The following LRRK2 variants were observed in gnomAD, a reference collection of about 807,000 sequenced individuals.
LRRK2 encodes leucine-rich repeat serine/threonine-protein kinase 2.
In LRRK2, 203 loss-of-function variants were observed where a neutral mutation model predicts 302.6. That is an observed-to-expected ratio of 0.67 (90% CI 0.60 to 0.75). The LOEUF is 0.75. Ranked by LOEUF, LRRK2 falls within the 30% of genes least tolerant of loss-of-function variation. The probability of loss-of-function intolerance (pLI) is 0.00; values close to 1 mark genes in which losing one functional copy is unlikely to be tolerated. For missense variants in LRRK2, 2,830 were observed against 2,951.0 expected, an observed-to-expected ratio of 0.96 and a Z score of 0.95; for synonymous variants, 1,066 against 1,031.9, an observed-to-expected ratio of 1.03 and a Z score of -0.63.
intron 48 of LRRK2, among the ~76,000 whole-genome samples, chr12:40,363,858 CT>C (rs1453524025): frequency 6.6e-6 from 1 of 151,964 alleles, no homozygotes; most frequent in East Asian, 1.9e-4. Context: ...TGACATAGTT[CT>C]GTCACAGTGT....
chr12:40,265,106 A>G (rs1256461746), intron 14 of LRRK2, among the ~76,000 whole-genome samples: 4 of 152,218 alleles, frequency 2.6e-5, no homozygotes, highest in African/African-American at 7.2e-5. Flanking sequence ...CTCACTGCCT[A>G]TAATATGTTT....
intron 45 of LRRK2, 133 bp downstream of exon 45, chr12:40,354,625 G>A (rs1049195047): frequency 1.2e-6 from 1 of 816,432 alleles, no homozygotes; most frequent in African/African-American, 1.7e-5. Context: ...ATATTAAAGG[G>A]AATTGTGGAA....
At chr12:40,352,833 C>G (rs912732679) in intron 44 of LRRK2, among the ~76,000 whole-genome samples, 3 of 152,030 alleles carry the variant, frequency 2.0e-5, no homozygotes. Context: ...TAGTACAGAA[C>G]AAAATGGAGT....
rs770565794 is a variant in LRRK2, at chr12:40,235,613, T to C, written c.348-13T>C. On this transcript the variant is annotated splice_polypyrimidine_tract_variant and intron_variant, in intron 3 of 50. Transcript: ENST00000298910. ...TATTTCATTCTTATCTTGATTTCTGTTTTTAACTCCAGATTGATTCTTAAA... is the reference window on the plus strand; with the variant it reads ...TATTTCATTCTTATCTTGATTTCTGCTTTTAACTCCAGATTGATTCTTAAA... 1.3e-6 allele frequency: 2 copies of C among 1,559,468 alleles called. No homozygotes were observed. The highest frequency in any genetic ancestry group is 3.3e-5 in the Admixed American group (2 of 59,968).
chr12:40,299,255 T>A lies in LRRK2; in HGVS notation c.3494T>A (p.Leu1165His). The A allele has an allele frequency of 6.2e-7, 1 of 1,613,242 alleles. No individual in the cohort carries two copies. The highest frequency in any genetic ancestry group is 8.5e-7 in the Non-Finnish European group (1 of 1,179,512). The change falls in exon 25 of 51, where the codon CTT (leucine) becomes CAT (histidine). Residue 1165 changes from leucine to histidine, a missense_variant and splice_region_variant. Leu to His is a moderately conservative substitution (Grantham distance 99, BLOSUM62 -3). This residue lies in a region of LRRK2 where 2,121 missense variants were observed against 2,148.0 expected (regional missense o/e 0.99). Coordinates refer to ENST00000298910, the MANE Select transcript of LRRK2 (RefSeq NM_198578.4). Reference protein sequence around the residue: ...VESFSARMNFLAAMPFLPPSM... With the variant: ...VESFSARMNFHAAMPFLPPSM... ...AGTTTCAGTGCCAGAATGAATTTTC[T>A]TGGTAAGTGTTCTGTGTGGGTCTCC...
chr12:40,289,525 T>C (rs1023358604), intron 20 of LRRK2, among the ~76,000 whole-genome samples: 2 of 149,058 alleles, frequency 1.3e-5, no homozygotes, highest in Non-Finnish European at 1.5e-5. Context: ...ATGTAATCTA[T>C]AATATATAAT....
At chr12:40,353,732 G>A (rs3930031) in intron 44 of LRRK2, among the ~76,000 whole-genome samples, 1 of 152,076 alleles carries the variant, frequency 6.6e-6, no homozygotes, top group African/African-American at 2.4e-5. Context: ...CTGCAATCCC[G>A]GCACCTCGGG....
At chr12:40,329,105 T>A (rs901673924) in intron 39 of LRRK2, among the ~76,000 whole-genome samples, 1 of 152,210 alleles carries the variant, frequency 6.6e-6, no homozygotes, top group Non-Finnish European at 1.5e-5. Context: ...ACTGATAAGC[T>A]TGCACCTCTC....
chr12:40,265,061 T>TA (rs2136548460), intron 14 of LRRK2, among the ~76,000 whole-genome samples: 1 of 152,308 alleles, frequency 6.6e-6, no homozygotes, highest in Non-Finnish European at 1.5e-5. Context: ...AGATCTCCCT[T>TA]AAAAATTCAT....
intron 43 of LRRK2, 23 bp from the exon 44 acceptor site, chr12:40,351,511 CTGTTT>C: frequency 1.2e-6 from 2 of 1,605,438 alleles, no homozygotes; most frequent in Non-Finnish European, 1.7e-6. Flanking sequence ...TCGATAAGTA[CTGTTT>C]TGTTATCTTT....
At chr12:40,302,486 A>G (rs1447087773) in intron 25 of LRRK2, among the ~76,000 whole-genome samples, 1 of 152,180 alleles carries the variant, frequency 6.6e-6, no homozygotes, top group Non-Finnish European at 1.5e-5. Context: ...AACATCACAC[A>G]TAATTTGAAA....
intron 18 of LRRK2, 51 bp downstream of exon 18, chr12:40,278,312 G>A: frequency 6.3e-7 from 1 of 1,595,410 alleles, no homozygotes; most frequent in South Asian, 1.1e-5. Context: ...CTTATAGAAT[G>A]TAAGAGCCCT....
intron 39 of LRRK2, among the ~76,000 whole-genome samples, chr12:40,333,678 CTTTTTT>C (rs916311352): frequency 1.3e-5 from 2 of 149,486 alleles, no homozygotes; most frequent in African/African-American, 4.9e-5. Context: ...ATATCTCGGA[CTTTTTT>C]TGAATTGCAG....
In LRRK2 at chr12:40,322,164, T is replaced by C; in HGVS notation, c.5300T>C (p.Val1767Ala). 6.2e-7 allele frequency: 1 copy of C among 1,612,274 alleles called. No individual in the cohort carries two copies. The highest frequency in any genetic ancestry group is 8.5e-7 in the Non-Finnish European group (1 of 1,178,884). ...NHPESFLKIT[V>A]PSCRKGCILL... ...CCAGAGAGTTTCTTAAAAATTACAG[T>C]TCCTTCTTGTAGAAAAGGTAAGGAA... The change falls in exon 36 of 51, where the codon GTT (valine) becomes GCT (alanine). Residue 1767 changes from valine (V) to alanine (A), a missense_variant. Physicochemically the swap from Val to Ala is moderately conservative, Grantham distance 64 (BLOSUM62 0). Transcript: ENST00000298910.
chr12:40,294,950 T>A, intron 22 of LRRK2, 36 bp downstream of exon 22: 1 of 1,295,842 alleles, frequency 7.7e-7, no homozygotes. Flanking sequence ...TAAATAGATA[T>A]TTTGGGCAGA....
chr12:40,273,042 A>G (rs1392005876), intron 14 of LRRK2, among the ~76,000 whole-genome samples: 1 of 152,160 alleles, frequency 6.6e-6, no homozygotes, highest in Non-Finnish European at 1.5e-5. Flanking sequence ...TTCCATGGAC[A>G]GAGCTATCTC....
chr12:40,298,821 ATACAT>A (rs1332881818), intron 24 of LRRK2, among the ~76,000 whole-genome samples: 137 of 116,278 alleles, frequency 1.2e-3, no homozygotes, highest in Non-Finnish European at 1.9e-3. Flanking sequence ...ATAATATATA[ATACAT>A]ATATTATATA....
intron 14 of LRRK2, among the ~76,000 whole-genome samples, chr12:40,265,154 T>A (rs1178976750): frequency 2.0e-5 from 3 of 152,152 alleles, no homozygotes; most frequent in Non-Finnish European, 4.4e-5. Context: ...AATCCTTGAG[T>A]ATGGCAAGAA....
intron 14 of LRRK2, among the ~76,000 whole-genome samples, chr12:40,267,897 C>A (rs1446390400): frequency 2.1e-4 from 32 of 152,028 alleles, no homozygotes; most frequent in Admixed American, 2.1e-3. Flanking sequence ...ATTGCAGACA[C>A]AAGAAAATGA....
Sources: allele counts gnomAD v4.1 joint callset (sites outside exome capture counted in the v4.1 genomes callset), GRCh38; gene constraint gnomAD v4.1.1; regional missense constraint gnomAD v4.1.1; transcripts MANE v1.5; gene names NCBI Gene and HGNC (gene_info 2026-07-23, HGNC 2026-07-21).